ITGB4: variants seen among roughly 807,000 people sequenced by gnomAD.
The protein encoded by ITGB4 is integrin subunit beta 4, also known as integrin beta-4.
In ITGB4, 159 loss-of-function variants were observed where a neutral mutation model predicts 207.6. That is an observed-to-expected ratio of 0.77 (90% CI 0.67 to 0.87). The LOEUF (loss-of-function observed/expected upper bound fraction) is 0.87, where lower values mean the gene tolerates loss of function less well. Among genes scored for constraint, ITGB4 ranks in the 40% least tolerant of loss-of-function variants. The pLI is 0.00. For synonymous variants in ITGB4, 1,020 were observed against 1,062.7 expected, an observed-to-expected ratio of 0.96 and a Z score of 0.78; for missense variants, 2,278 against 2,546.8, an observed-to-expected ratio of 0.89 and a Z score of 2.27.
intron 34 of ITGB4, chr17:75,755,065 C>A: frequency 6.3e-7 from 1 of 1,598,728 alleles, no homozygotes; most frequent in Admixed American, 1.7e-5. Context: ...GCCTCCCTCC[C>A]ATCTGGGAAC....
intron 12 of ITGB4, 93 bp from the exon 13 acceptor site, chr17:75,733,395 AAT>A: frequency 3.7e-6 from 4 of 1,083,156 alleles, no homozygotes; most frequent in Non-Finnish European, 5.2e-6. Context: ...CAAAAAAAAA[AAT>A]AAAATAATTA....
chr17:75,754,380 C>T (rs2061438499), intron 33 of ITGB4, 196 bp from the exon 34 acceptor site: 2 of 644,034 alleles, frequency 3.1e-6, no homozygotes, highest in Admixed American at 2.7e-5. Flanking sequence ...AGGATATGGG[C>T]TGTGGAAGCC....
At position 75,750,331 on chromosome 17, in the gene ITGB4, A is replaced by T; in HGVS notation, c.3474+63A>T. 6.5e-7 allele frequency: 1 copy of T among 1,537,730 alleles called. No individual in the cohort carries two copies. Among genetic ancestry groups the T allele is most frequent in the African/African-American group, 1.4e-5 (1 of 73,502 alleles). On this transcript the variant is annotated intron_variant, in intron 28 of 39. Transcript: ENST00000200181. The surrounding 1 kb of genome is among the most constrained non-coding windows in gnomAD (Gnocchi z 5.5). ...GCGGTCTGGCACCAGCACTCACAGA[A>T]GAGGTGGGCCGTCCAAGGCCAGGGC...
At position 75,736,606 on chromosome 17, in the gene ITGB4, G is replaced by A; in HGVS notation, c.1902G>A (p.Gln634=). The change falls in exon 16 of 40, where the codon CAG becomes CAA. Residue 634 remains glutamine, a synonymous_variant. Transcript: ENST00000200181. ...GLCEDLRSCV[Q]CQAWGTGEKK... ...GCGAGGACCTACGCTCCTGCGTGCA[G>A]TGCCAGGCGTGGGGCACCGGCGAGA... is the stretch of plus-strand genomic sequence containing the variant. 6.2e-7 allele frequency: 1 copy of A among 1,603,424 alleles called. No homozygotes were observed. The highest frequency in any genetic ancestry group is 2.2e-5 in the East Asian group (1 of 44,528).
rs747235341 is a variant in ITGB4 at position 75,736,676 on chromosome 17, G to T, written c.1972G>T (p.Val658Leu). 7 of 1,596,898 alleles carry T rather than the reference G, an allele frequency of 4.4e-6. No individual in the cohort carries two copies. Among genetic ancestry groups the T allele is most frequent in the Non-Finnish European group, 2.6e-6 (3 of 1,173,194 alleles). ...CEECNFKVKMVDELKRAEEVV... is the reference protein window; with the variant it reads ...CEECNFKVKMLDELKRAEEVV... ...GGAATGCAACTTCAAGGTCAAGATG[G>T]TGGACGAGCTTAAGAGAGGTAGGGG... Residue 658 changes from valine (V) to leucine (L), a missense_variant, in exon 16 of 40, where the codon GTG becomes TTG. Coordinates refer to ENST00000200181, the MANE Select transcript of ITGB4 (RefSeq NM_000213.5).
At position 75,756,711 on chromosome 17, in the gene ITGB4, C is replaced by G. The variant is rs1436280617; in HGVS notation, c.4905C>G (p.Ala1635=). 1 of 1,613,498 alleles carries G rather than the reference C, an allele frequency of 6.2e-7. No homozygotes were observed. The highest frequency in any genetic ancestry group is 1.1e-5 in the South Asian group (1 of 91,080). Residue 1635 remains alanine, a synonymous_variant, in exon 37 of 40, where the codon GCC becomes GCG. Coordinates refer to ENST00000200181, the MANE Select transcript of ITGB4 (RefSeq NM_000213.5). The part of the protein sequence containing the change: ...QSPLCPLPGS[A]FTLSTPSAPG... Reference sequence around the variant, plus strand: ...TTCCTCTACTGCCCCCAGGCTCCGCCTTCACTTTGAGCACTCCCAGTGCCC... The same window carrying G: ...TTCCTCTACTGCCCCCAGGCTCCGCGTTCACTTTGAGCACTCCCAGTGCCC...
Position 75,727,102 on chromosome 17 carries a change from G to A in ITGB4, c.80-93G>A. The A allele has an allele frequency of 1.1e-6, 1 of 938,140 alleles. No homozygotes were observed. The highest frequency in any genetic ancestry group is 1.9e-5 in the Admixed American group (1 of 51,956). 58.1% of individuals were successfully genotyped at this position (938,140 alleles called of 1,614,324 possible). On this transcript the variant is annotated intron_variant, in intron 2 of 39. Coordinates refer to ENST00000200181, the MANE Select transcript of ITGB4 (RefSeq NM_000213.5). The surrounding 1 kb of genome is among the most constrained non-coding windows in gnomAD (Gnocchi z 6.0). ...TAAATAAATAAATAACATAAGGAGG[G>A]AATCCCCATCTCTCCAGGTGAAGGT...
In ITGB4 at chr17:75,743,775, C is replaced by T. The variant is rs754532997; in HGVS notation, c.3025C>T (p.Arg1009Cys). Residue 1009 changes from arginine (R) to cysteine (C), a missense_variant, in exon 26 of 40, where the codon CGC becomes TGC. By Grantham distance (180) the Arg-to-Cys change is radical. Coordinates refer to ENST00000200181, the MANE Select transcript of ITGB4 (RefSeq NM_000213.5). ...GGTCAGCCGCGGGGACCAGGTGGCC[C>T]GCATCCCTGTCATCCGGCGTGTCCT... Reference protein sequence around the residue: ...FSVSRGDQVARIPVIRRVLDG... With the variant: ...FSVSRGDQVACIPVIRRVLDG... The T allele has an allele frequency of 8.0e-5, 129 of 1,613,326 alleles. 1 individual carries two copies. Among genetic ancestry groups the T allele is most frequent in the Non-Finnish European group, 1.0e-4 (121 of 1,179,992 alleles).
Position 75,730,514 on chromosome 17 carries a change from C to T in ITGB4, c.1002+10C>T. 6.2e-7 allele frequency: 1 copy of T among 1,613,344 alleles called. No homozygotes were observed. Among genetic ancestry groups the T allele is most frequent in the Non-Finnish European group, 8.5e-7 (1 of 1,180,002 alleles). On this transcript the variant is annotated intron_variant, in intron 8 of 39. Coordinates refer to ENST00000200181, the MANE Select transcript of ITGB4 (RefSeq NM_000213.5). ...CTATAGCTACTACGAGGTGCGGGGC[C>T]CAGGTCCCACGGGTGGGAGGTGGTC...
chr17:75,729,407 G>C lies in ITGB4; in HGVS notation c.709G>C (p.Asp237His). ...GNLDAPEGGF[D>H]AILQTAVCTR... is the part of the protein sequence containing the mutation. The stretch of plus-strand genomic sequence containing the variant: ...CCTGGATGCTCCTGAGGGCGGCTTC[G>C]ATGCCATCCTGCAGACAGCTGTGTG... The change falls in exon 7 of 40, where the codon GAT becomes CAT. Residue 237 changes from aspartate to histidine, a missense_variant. By Grantham distance (81) the Asp-to-His change is moderately conservative. Transcript: ENST00000200181. This position sits in a 1 kb window ranked among gnomAD's most constrained non-coding sequence, Gnocchi z 4.4. The C allele has an allele frequency of 6.2e-7, 1 of 1,614,140 alleles. No homozygotes were observed. Among genetic ancestry groups the C allele is most frequent in the Non-Finnish European group, 8.5e-7 (1 of 1,179,990 alleles).
chr17:75,757,095 T>A lies in ITGB4; in HGVS notation c.5206T>A (p.Ser1736Thr), dbSNP rs1461328731. The A allele has an allele frequency of 6.2e-7, 1 of 1,611,250 alleles. No homozygotes were observed. The highest frequency in any genetic ancestry group is 1.1e-5 in the South Asian group (1 of 90,992). ...GCGCGAGGGCATCATCACCATAGAG[T>A]CCCAGGATGGAGGTAGGCACCTGTC... ...PEREGIITIE[S>T]QDGGPFPQLG... The change falls in exon 38 of 40, where the codon TCC becomes ACC. Residue 1736 changes from serine (S) to threonine (T), a missense_variant. Ser to Thr is a moderately conservative substitution (Grantham distance 58). Transcript: ENST00000200181.
intron 2 of ITGB4, among the ~76,000 whole-genome samples, chr17:75,725,963 T>C (rs2060708970): frequency 6.6e-6 from 1 of 152,222 alleles, no homozygotes; most frequent in Non-Finnish European, 1.5e-5. Flanking sequence ...TGGGGAAGGC[T>C]GAGGACCGTC....
Position 75,748,920 on chromosome 17 carries a change from T to C in ITGB4, c.3191T>C (p.Leu1064Pro), listed in dbSNP as rs199739109. The C allele has an allele frequency of 1.1e-5, 17 of 1,613,340 alleles. No individual in the cohort carries two copies. Among genetic ancestry groups the C allele is most frequent in the Non-Finnish European group, 1.4e-5 (17 of 1,179,958 alleles). ...WKELQVKLLE[L>P]QEVDSLLRGR... is the part of the protein sequence containing the mutation. ...GAGCTGCAGGTGAAGCTCCTGGAGCTGCAAGAAGTTGACTCCCTCCTGCGG... is the reference window on the plus strand; with the variant it reads ...GAGCTGCAGGTGAAGCTCCTGGAGCCGCAAGAAGTTGACTCCCTCCTGCGG... The change falls in exon 27 of 40, where the codon CTG becomes CCG. Residue 1064 changes from leucine (L) to proline (P), a missense_variant. Coordinates refer to ENST00000200181, the MANE Select transcript of ITGB4 (RefSeq NM_000213.5).
At chr17:75,724,872 C>G in intron 2 of ITGB4, 90 bp downstream of exon 2, 1 of 1,101,984 alleles carries the variant, frequency 9.1e-7, no homozygotes, top group Non-Finnish European at 1.4e-6. Context: ...GGTGTCTCAC[C>G]TAAACACGCT....
In ITGB4 at chr17:75,729,534, C is replaced by G. The variant is rs555916977; in HGVS notation, c.738+98C>G. 2.2e-6 allele frequency: 3 copies of G among 1,340,856 alleles called. No individual in the cohort carries two copies. In the African/African-American group the frequency reaches 4.4e-5, roughly 19 times the overall value. 83.1% of individuals were successfully genotyped at this position (1,340,856 alleles called of 1,614,324 possible). ...CTGGCCTGCTCTGGTGCCAGGCTCA[C>G]AGGCCCTGAGGGAAAGCCTGGGAGC... is the stretch of plus-strand genomic sequence containing the variant. On this transcript the variant is annotated intron_variant, in intron 7 of 39. Transcript: ENST00000200181. This position sits in a 1 kb window ranked among gnomAD's most constrained non-coding sequence, Gnocchi z 4.4.
chr17:75,752,300 G>A lies in ITGB4; in HGVS notation c.3920G>A (p.Gly1307Glu). The part of the protein sequence containing the change: ...TVKARNGAGW[G>E]PEREAIINLA... ...AAGGCGCGCAACGGGGCCGGCTGGG[G>A]GCCTGAGCGGGAGGCCATCATCAAC... Residue 1307 changes from glycine (G) to glutamate (E), a missense_variant, in exon 31 of 40, where the codon GGG becomes GAG. Transcript: ENST00000200181. 1.2e-6 allele frequency: 2 copies of A among 1,613,184 alleles called. No homozygotes were observed. Among genetic ancestry groups the A allele is most frequent in the Non-Finnish European group, 1.7e-6 (2 of 1,180,000 alleles).
At chr17:75,749,206 G>A (rs992186270) in intron 27 of ITGB4, among the ~76,000 whole-genome samples, 161 bp downstream of exon 27, 4 of 152,106 alleles carry the variant, frequency 2.6e-5, no homozygotes, top group African/African-American at 9.7e-5. Context: ...TATGTCCCAT[G>A]CAATATTTGG....
intron 8 of ITGB4, 102 bp downstream of exon 8, chr17:75,730,606 C>T: frequency 8.8e-7 from 1 of 1,139,294 alleles, no homozygotes; most frequent in Non-Finnish European, 1.2e-6. Context: ...CCCTCCCTTC[C>T]TCCCTTCCTC....
intron 25 of ITGB4, among the ~76,000 whole-genome samples, chr17:75,743,463 C>T (rs1336387032): frequency 6.6e-6 from 1 of 152,116 alleles, no homozygotes; most frequent in Non-Finnish European, 1.5e-5. Flanking sequence ...GAACTCCTGA[C>T]CTCAGGTGAT....
Sources: allele counts gnomAD v4.1 joint callset (sites outside exome capture counted in the v4.1 genomes callset), GRCh38; gene constraint gnomAD v4.1.1; non-coding constraint Gnocchi (gnomAD v3.1); transcripts MANE v1.5; gene names NCBI Gene and HGNC (gene_info 2026-07-23, HGNC 2026-07-21).